BSN: variants seen among roughly 807,000 people sequenced by gnomAD.
BSN encodes bassoon presynaptic cytomatrix protein.
A neutral mutation model predicts 264.8 loss-of-function variants in BSN; 57 were observed. The observed-to-expected ratio is 0.22, with a 90% CI of 0.17 to 0.27. The LOEUF (loss-of-function observed/expected upper bound fraction) is 0.27. Among genes scored for constraint, BSN ranks in the 10% least tolerant of loss-of-function variants. The pLI is 1.00. For synonymous variants in BSN, 2,059 were observed against 2,137.3 expected (o/e 0.96, Z 1.01); for missense variants, 4,615 against 5,232.5 (o/e 0.88, Z 3.64).
chr3:49,587,734 G>C (rs2108020931), intron 1 of BSN, among the ~76,000 whole-genome samples: 1 of 152,194 alleles, frequency 6.6e-6, no homozygotes, highest in South Asian at 2.1e-4. Flanking sequence ...AAGGCGATCA[G>C]TCAGAGGCTG....
chr3:49,611,059 G>A (rs1448412717), intron 1 of BSN, among the ~76,000 whole-genome samples: 1 of 152,180 alleles, frequency 6.6e-6, no homozygotes, highest in East Asian at 1.9e-4. Flanking sequence ...TCAGTATTGG[G>A]TCTGATGACT....
rs530833348 is a variant in BSN, at chr3:49,585,880, G to A, written c.224+31054G>A. On this transcript the variant is annotated intron_variant, in intron 1 of 11. Transcript: ENST00000296452. This position sits in a 1 kb window ranked among gnomAD's most constrained non-coding sequence, Gnocchi z 4.7. ...ATGTTGAATACCTTTTTATATGCCTGTTTGCCATTCGTGTGTCTTCTTTTG... is the reference window on the plus strand; with the variant it reads ...ATGTTGAATACCTTTTTATATGCCTATTTGCCATTCGTGTGTCTTCTTTTG... Among the ~76,000 whole-genome samples, 68 of 152,232 alleles carry A rather than the reference G, an allele frequency of 4.5e-4. 1 individual carries two copies. The highest frequency in any genetic ancestry group is 1.6e-3 in the African/African-American group (67 of 41,538).
chr3:49,657,287 CAGG>C lies in BSN; in HGVS notation c.7736_7738del (p.Arg2579del). The C allele has an allele frequency of 1.2e-6, 2 of 1,613,322 alleles. No individual in the cohort carries two copies. The highest frequency in any genetic ancestry group is 1.1e-5 in the South Asian group (1 of 91,082). ...AGTCTGGGACTGAGCCCTGTGTGGT[CAGG>C]AGGATTGCCGACAGCAGCGTGCAGA... On this transcript the variant is annotated inframe_deletion, in exon 5 of 12. Transcript: ENST00000296452.
In BSN at chr3:49,663,124, C is replaced by T. The variant is rs778310645; in HGVS notation, c.10966C>T (p.Arg3656Cys). The change falls in exon 7 of 12, where the codon CGC (arginine) becomes TGC (cysteine). Residue 3656 changes from arginine to cysteine, a missense_variant. Arg to Cys is a radical substitution (Grantham distance 180). Around this residue, in one of 3 missense-constraint regions of BSN, gnomAD observed 3,415 missense variants for 3,866.4 expected, o/e 0.88. Coordinates refer to ENST00000296452, the MANE Select transcript of BSN (RefSeq NM_003458.4). ...CGGTGACCACGGGCGGCACTCAGGCCGCCACACTGGTGAGGAGCCGGGACG... is the reference window on the plus strand; with the variant it reads ...CGGTGACCACGGGCGGCACTCAGGCTGCCACACTGGTGAGGAGCCGGGACG... ...RHGDHGRHSG[R>C]HTGEEPGRRA... The T allele has an allele frequency of 2.0e-5, 32 of 1,611,756 alleles. No individual in the cohort carries two copies. Among genetic ancestry groups the T allele is most frequent in the Middle Eastern group, 1.6e-4 (1 of 6,078 alleles).
rs962823538 is a variant in BSN at position 49,654,364 on chromosome 3, C to A, written c.4808C>A (p.Ser1603Tyr). ...AGCCAGACAACACCTCCGAGTGTGT[C>A]TCAGCTGCCCCCAGAGCCACCTGGG... The part of the protein sequence containing the change: ...GYSQTTPPSV[S>Y]QLPPEPPGPP... The change falls in exon 5 of 12, where the codon TCT (serine) becomes TAT (tyrosine). Residue 1603 changes from serine (S) to tyrosine (Y), a missense_variant. Physicochemically the swap from Ser to Tyr is moderately radical, Grantham distance 144 (BLOSUM62 -2). Transcript: ENST00000296452. This position sits in a 1 kb window ranked among gnomAD's most constrained non-coding sequence, Gnocchi z 4.1. 1 of 1,610,850 alleles carries A rather than the reference C, an allele frequency of 6.2e-7. No homozygotes were observed. Among genetic ancestry groups the A allele is most frequent in the Non-Finnish European group, 8.5e-7 (1 of 1,178,880 alleles).
intron 1 of BSN, among the ~76,000 whole-genome samples, chr3:49,572,776 G>A (rs1032959448): frequency 6.6e-6 from 1 of 152,166 alleles, no homozygotes; most frequent in Non-Finnish European, 1.5e-5. Flanking sequence ...CTTGTGATCC[G>A]CCCGCCTAAG....
chr3:49,610,823 C>T (rs1354831235), intron 1 of BSN, among the ~76,000 whole-genome samples: 1 of 152,184 alleles, frequency 6.6e-6, no homozygotes, highest in African/African-American at 2.4e-5. Context: ...TTTCTGGGGC[C>T]AGTCCAGTCC....
At chr3:49,608,987 A>G (rs989296008) in intron 1 of BSN, among the ~76,000 whole-genome samples, 1 of 152,102 alleles carries the variant, frequency 6.6e-6, no homozygotes, top group Non-Finnish European at 1.5e-5. Context: ...TGAGGCCATG[A>G]AAAGTCTGCA....
intron 1 of BSN, among the ~76,000 whole-genome samples, chr3:49,617,283 T>TTATATA (rs6147817): frequency 0.014 from 1,729 of 121,304 alleles, 21 homozygotes; most frequent in African/African-American, 0.019. Context: ...ATAAAATACA[T>TTATATA]TATATATATA....
chr3:49,619,252 G>T (rs1259152487), intron 1 of BSN, among the ~76,000 whole-genome samples: 1 of 152,228 alleles, frequency 6.6e-6, no homozygotes, highest in Non-Finnish European at 1.5e-5. Flanking sequence ...TCTGGTTGTT[G>T]TGCATGTGCT....
At chr3:49,621,313 C>T (rs1015400733) in intron 1 of BSN, among the ~76,000 whole-genome samples, 8 of 152,072 alleles carry the variant, frequency 5.3e-5, no homozygotes, top group Non-Finnish European at 7.4e-5. Flanking sequence ...AGTCTTGAGA[C>T]TTAGGGATTG....
chr3:49,655,363 A>G lies in BSN; in HGVS notation c.5807A>G (p.Gln1936Arg). The change falls in exon 5 of 12, where the codon CAA (glutamine) becomes CGA (arginine). Residue 1936 changes from glutamine to arginine, a missense_variant. By Grantham distance (43) the Gln-to-Arg change is conservative. This residue lies in a region of BSN where 3,415 missense variants were observed against 3,866.4 expected (regional missense o/e 0.88). Coordinates refer to ENST00000296452, the MANE Select transcript of BSN (RefSeq NM_003458.4). ...ATGGCAGATGCTGCCCCACCTGGCCAAAGCAGCAGCCCCTTCTATGGTCCC... is the reference window on the plus strand; with the variant it reads ...ATGGCAGATGCTGCCCCACCTGGCCGAAGCAGCAGCCCCTTCTATGGTCCC... Reference protein sequence around the residue: ...KSMADAAPPGQSSSPFYGPRD... With the variant: ...KSMADAAPPGRSSSPFYGPRD... The G allele has an allele frequency of 6.3e-7, 1 of 1,593,012 alleles. No individual in the cohort carries two copies. Among genetic ancestry groups the G allele is most frequent in the South Asian group, 1.1e-5 (1 of 87,266 alleles).
Position 49,651,935 on chromosome 3 carries a change from G to T in BSN, c.2379G>T (p.Arg793=), listed in dbSNP as rs1559614364. 23 of 1,613,540 alleles carry T rather than the reference G, an allele frequency of 1.4e-5. No individual in the cohort carries two copies. Among genetic ancestry groups the T allele is most frequent in the Non-Finnish European group, 1.9e-5 (23 of 1,179,916 alleles). The change falls in exon 5 of 12, where the codon CGG becomes CGT. Residue 793 remains arginine, a synonymous_variant. Coordinates refer to ENST00000296452, the MANE Select transcript of BSN (RefSeq NM_003458.4). The surrounding 1 kb of genome is among the most constrained non-coding windows in gnomAD (Gnocchi z 5.4). ...AAGACTCTGCTGAGTGGAGGCGCCG[G>T]AGAGAGCAGCAGGACACTGCCGAGT... ...EDEDSAEWRR[R]REQQDTAESS...
At chr3:49,644,208 C>T (rs1224077706) in intron 3 of BSN, among the ~76,000 whole-genome samples, 1 of 152,238 alleles carries the variant, frequency 6.6e-6, no homozygotes, top group Non-Finnish European at 1.5e-5. Flanking sequence ...CTGCCTCTTG[C>T]ACATGGGGAG....
chr3:49,580,172 C>T (rs1303555036), intron 1 of BSN, among the ~76,000 whole-genome samples: 4 of 152,092 alleles, frequency 2.6e-5, no homozygotes, highest in Non-Finnish European at 5.9e-5. Context: ...ATTCAAACTC[C>T]TGGGCTCAAG....
intron 1 of BSN, among the ~76,000 whole-genome samples, chr3:49,616,955 C>G (rs2052263843): frequency 6.6e-6 from 1 of 152,134 alleles, no homozygotes; most frequent in South Asian, 2.1e-4. Context: ...TTTCTCTGTT[C>G]CCGTTCCCAG....
chr3:49,655,906 G>T lies in BSN; in HGVS notation c.6350G>T (p.Ser2117Ile), dbSNP rs1308890133. ...SMDQYGGRHG[S>I]GGGGPDLVQY... ...GACCAGTATGGTGGGCGGCATGGCA[G>T]TGGTGGTGGTGGCCCTGACCTTGTG... is the stretch of plus-strand genomic sequence containing the variant. Residue 2117 changes from serine (S) to isoleucine (I), a missense_variant, in exon 5 of 12, where the codon AGT becomes ATT. This residue lies in a region of BSN where 3,415 missense variants were observed against 3,866.4 expected (regional missense o/e 0.88). Coordinates refer to ENST00000296452, the MANE Select transcript of BSN (RefSeq NM_003458.4). The T allele has an allele frequency of 6.2e-7, 1 of 1,611,360 alleles. No homozygotes were observed.
intron 1 of BSN, among the ~76,000 whole-genome samples, chr3:49,615,996 G>A (rs2052256843): frequency 6.6e-6 from 1 of 152,188 alleles, no homozygotes. Context: ...TATATTTATT[G>A]TCTATCTCAT....
rs150749336 is a variant in BSN, at chr3:49,653,259, C to T, written c.3703C>T (p.Arg1235Cys). Residue 1235 changes from arginine to cysteine, a missense_variant, in exon 5 of 12, where the codon CGT becomes TGT. By Grantham distance (180) the Arg-to-Cys change is radical (BLOSUM62 -3). This residue lies in a region of BSN where 3,415 missense variants were observed against 3,866.4 expected (regional missense o/e 0.88). Transcript: ENST00000296452. The surrounding 1 kb of genome is among the most constrained non-coding windows in gnomAD (Gnocchi z 6.3). Reference protein sequence around the residue: ...GSFEYQDTTDREYGQAAQPAA... With the variant: ...GSFEYQDTTDCEYGQAAQPAA... ...CTTCGAATATCAAGACACTACAGAC[C>T]GTGAGTATGGCCAGGCTGCTCAGCC... The T allele has an allele frequency of 7.4e-5, 120 of 1,612,834 alleles. No individual in the cohort carries two copies. Among genetic ancestry groups the T allele is most frequent in the South Asian group, 1.6e-4 (15 of 91,036 alleles).
Sources: gnomAD v4.1 joint callset for allele counts (sites outside exome capture counted in the v4.1 genomes callset) on GRCh38, gnomAD v4.1.1 for gene constraint, gnomAD v4.1.1 regional missense constraint, Gnocchi (gnomAD v3.1) non-coding constraint, MANE v1.5 for transcripts, NCBI Gene and HGNC (gene_info 2026-07-23, HGNC 2026-07-21) for gene names.